EVI5: variants seen among roughly 807,000 people sequenced by gnomAD.
EVI5 encodes the protein ecotropic viral integration site 5 protein homolog.
EVI5 carries 73 observed loss-of-function variants against 112.0 expected under a neutral mutation model. The ratio of observed to expected loss-of-function variants is 0.65; its 90% CI spans 0.54 to 0.79. EVI5 has a LOEUF of 0.79. Ranked by LOEUF, EVI5 falls within the 30% of genes least tolerant of loss-of-function variation. The pLI is 0.00. For missense variants in EVI5, 900 were observed against 968.8 expected, an observed-to-expected ratio of 0.93 and a Z score of 0.94; for synonymous variants, 305 against 319.9, an observed-to-expected ratio of 0.95 and a Z score of 0.50.
chr1:92,692,195 A>G (rs1406154194), intron 9 of EVI5, among the ~76,000 whole-genome samples: 7 of 152,232 alleles, frequency 4.6e-5, no homozygotes, highest in South Asian at 2.1e-4. Flanking sequence ...CAGAAATCTG[A>G]TAAGTAAACA....
intron 19 of EVI5, among the ~76,000 whole-genome samples, chr1:92,527,775 TGA>T (rs1340240434): frequency 6.6e-6 from 1 of 152,222 alleles, no homozygotes; most frequent in Non-Finnish European, 1.5e-5. Flanking sequence ...GCATTGTCTG[TGA>T]GATTCACCAA....
chr1:92,569,885 T>C (rs116085271), intron 18 of EVI5, among the ~76,000 whole-genome samples: 18,270 of 148,250 alleles, frequency 0.12, 1,403 homozygotes, highest in Middle Eastern at 0.17. Flanking sequence ...AAAGAAATAT[T>C]TCAAAGGCAC....
At chr1:92,638,793 G>A (rs1659385954) in intron 13 of EVI5, among the ~76,000 whole-genome samples, 1 of 151,940 alleles carries the variant, frequency 6.6e-6, no homozygotes, top group South Asian at 2.1e-4. Flanking sequence ...GTATTACAGA[G>A]CCCATGTTCC....
At chr1:92,632,983 T>C (rs911844706) in intron 14 of EVI5, among the ~76,000 whole-genome samples, 1 of 152,204 alleles carries the variant, frequency 6.6e-6, no homozygotes, top group Non-Finnish European at 1.5e-5. Flanking sequence ...GTTGATCGGT[T>C]TTGAGTGAGT....
intron 16 of EVI5, among the ~76,000 whole-genome samples, chr1:92,610,953 TG>T (rs1651626620): frequency 9.6e-6 from 1 of 104,328 alleles, no homozygotes; most frequent in Non-Finnish European, 2.1e-5. Context: ...GTTGTGGGGT[TG>T]GGGGAGGGGG....
intron 18 of EVI5, among the ~76,000 whole-genome samples, chr1:92,569,368 ATTTAC>A (rs1669964052): frequency 6.6e-6 from 1 of 152,184 alleles, no homozygotes; most frequent in Non-Finnish European, 1.5e-5. Context: ...AAGTCTATGT[ATTTAC>A]TTTAATATTT....
At chr1:92,590,965 T>G (rs1334440093) in intron 18 of EVI5, among the ~76,000 whole-genome samples, 1 of 152,196 alleles carries the variant, frequency 6.6e-6, no homozygotes, top group Admixed American at 6.5e-5. Context: ...TATTCAACAT[T>G]CTTAAAGAAA....
intron 13 of EVI5, among the ~76,000 whole-genome samples, chr1:92,641,254 A>C (rs933967178): frequency 6.6e-6 from 1 of 152,242 alleles, no homozygotes; most frequent in Non-Finnish European, 1.5e-5. Flanking sequence ...ATACTATACA[A>C]GCAAATGCTG....
Position 92,660,085 on chromosome 1 carries a change from G to A in EVI5, c.1392+2634C>T, listed in dbSNP as rs559574670. 1.5e-4 allele frequency among the ~76,000 whole-genome samples: 23 copies of A among 152,068 alleles called. No homozygotes were observed. The South Asian group carries it at 4.1e-3, about 27-fold the overall frequency. On this transcript the variant is annotated intron_variant, in intron 13 of 19. Transcript: ENST00000684568. ...ACTGGAGACTCAGAAAGGTAACATG[G>A]TGAGAGGCGGTGAGGAATGAGAAAT... is the stretch of plus-strand genomic sequence containing the variant.
chr1:92,635,188 C>A (rs74423545), intron 14 of EVI5, among the ~76,000 whole-genome samples: 1 of 152,164 alleles, frequency 6.6e-6, no homozygotes, highest in African/African-American at 2.4e-5. Context: ...GCTGGGAGAA[C>A]CACTACTCTC....
intron 19 of EVI5, among the ~76,000 whole-genome samples, chr1:92,559,530 T>C (rs974900332): frequency 2.0e-5 from 3 of 152,030 alleles, no homozygotes; most frequent in Admixed American, 2.0e-4. Flanking sequence ...TCCCAGCACT[T>C]TGGGAGGCTG....
intron 13 of EVI5, among the ~76,000 whole-genome samples, chr1:92,660,372 G>T (rs1201925595): frequency 6.6e-6 from 1 of 151,926 alleles, no homozygotes; most frequent in East Asian, 1.9e-4. Flanking sequence ...ATCTAAAAAA[G>T]TTGATCTCAT....
intron 13 of EVI5, among the ~76,000 whole-genome samples, chr1:92,661,945 T>G (rs561604091): frequency 1.2e-4 from 18 of 152,284 alleles, no homozygotes; most frequent in South Asian, 8.3e-4. Flanking sequence ...AAATAATATG[T>G]TTTCAAAGAT....
At chr1:92,534,100 A>G (rs139893374) in intron 19 of EVI5, among the ~76,000 whole-genome samples, 1 of 152,352 alleles carries the variant, frequency 6.6e-6, no homozygotes, top group East Asian at 1.9e-4. Flanking sequence ...TACAAAATCA[A>G]TGTGCAAAAA....
In EVI5 at chr1:92,693,814, T is replaced by C. The variant is rs1312568677; in HGVS notation, c.1085A>G (p.Lys362Arg). The C allele has an allele frequency of 1.3e-6, 2 of 1,579,328 alleles. No homozygotes were observed. The highest frequency in any genetic ancestry group is 3.4e-5 in the Admixed American group (2 of 58,686). Reference protein sequence around the residue: ...QAAYQVKYNSKKMKKLEKEYT... With the variant: ...QAAYQVKYNSRKMKKLEKEYT... ...ATAAAATACTTACTTTTTCATTTTT[T>C]TTGAATTGTATTTGACTTGGTAAGC... Residue 362 changes from lysine (K) to arginine (R), a missense_variant, in exon 9 of 20, where the codon AAA becomes AGA. Physicochemically the swap from Lys to Arg is conservative, Grantham distance 26 (BLOSUM62 2). Coordinates refer to ENST00000684568, the MANE Select transcript of EVI5 (RefSeq NM_001350197.2).
At chr1:92,784,100 G>T (rs1570966256) in intron 1 of EVI5, among the ~76,000 whole-genome samples, 2 of 152,158 alleles carry the variant, frequency 1.3e-5, no homozygotes, top group East Asian at 3.8e-4. Context: ...GGAGGAAAGC[G>T]AGGAAACCAT....
intron 12 of EVI5, 39 bp from the exon 13 acceptor site, chr1:92,662,904 A>G (rs1282158728): frequency 3.3e-6 from 4 of 1,203,282 alleles, no homozygotes; most frequent in East Asian, 6.1e-5. Context: ...GCAATTTAGG[A>G]TAGATTCAAG....
chr1:92,619,122 G>A (rs1247779018), intron 16 of EVI5, among the ~76,000 whole-genome samples: 1 of 152,166 alleles, frequency 6.6e-6, no homozygotes, highest in African/African-American at 2.4e-5. Flanking sequence ...TCAATACAAA[G>A]TACTGATCCC....
chr1:92,706,546 G>A (rs1179696688), intron 2 of EVI5, among the ~76,000 whole-genome samples: 1 of 152,144 alleles, frequency 6.6e-6, no homozygotes, highest in African/African-American at 2.4e-5. Context: ...TTAAACCTAA[G>A]TTCGAGGTGT....
Sources: allele counts gnomAD v4.1 joint callset (sites outside exome capture counted in the v4.1 genomes callset), GRCh38; gene constraint gnomAD v4.1.1; transcripts MANE v1.5; gene names NCBI Gene and HGNC (gene_info 2026-07-23, HGNC 2026-07-21).